GNA12: variants seen among roughly 807,000 people sequenced by gnomAD.
GNA12 encodes G protein subunit alpha 12.
Under a neutral mutation model 26.0 loss-of-function variants are expected in GNA12, and 9 were observed. The observed-to-expected ratio is 0.35, with a 90% CI of 0.21 to 0.60. The LOEUF is 0.60. GNA12 is among the 20% of genes least tolerant of loss of function. The probability of loss-of-function intolerance (pLI) is 0.78; values close to 1 mark genes in which losing one functional copy is unlikely to be tolerated. For missense variants in GNA12, 405 were observed against 525.8 expected (o/e 0.77, Z 2.25); for synonymous variants, 264 against 219.6 (o/e 1.20, Z -1.79).
At chr7:2,827,919 T>TA (rs773913016) in intron 1 of GNA12, among the ~76,000 whole-genome samples, 15 of 138,892 alleles carry the variant, frequency 1.1e-4, no homozygotes, top group Non-Finnish European at 2.1e-4. Context: ...ATACTTTATT[T>TA]AAAATTTTTT....
intron 1 of GNA12, among the ~76,000 whole-genome samples, chr7:2,808,056 C>T (rs559418414): frequency 6.6e-6 from 1 of 152,398 alleles, no homozygotes; most frequent in African/African-American, 2.4e-5. Flanking sequence ...GCTCTGCAGG[C>T]ATCCATCTTC....
chr7:2,798,850 A>G lies in GNA12; in HGVS notation c.310-3707T>C, dbSNP rs537081363. On this transcript the variant is annotated intron_variant, in intron 1 of 3. Transcript: ENST00000275364. The stretch of plus-strand genomic sequence containing the variant: ...AGAACCCAGGGATAGCCCCTGATAC[A>G]GCTAGGTAATTTTTGTAAAAGTGCA... Among the ~76,000 whole-genome samples, 15 of 152,240 alleles carry G rather than the reference A, an allele frequency of 9.9e-5. 1 individual carries two copies. The highest frequency in any genetic ancestry group is 4.2e-4 in the South Asian group (2 of 4,818).
Position 2,731,193 on chromosome 7 carries a change from G to C in GNA12, c.1134C>G (p.Ile378Met). The stretch of plus-strand genomic sequence containing the variant: ...GGGGCTTCCTCGCTCACTGCAGCAT[G>C]ATGTCCTTCAGGTTCTCCTGCAGGA... Reference protein sequence around the residue: ...DTILQENLKDIMLQ With the variant: ...DTILQENLKDMMLQ The change falls in exon 4 of 4, where the codon ATC becomes ATG. Residue 378 changes from isoleucine to methionine, a missense_variant. Coordinates refer to ENST00000275364, the MANE Select transcript of GNA12 (RefSeq NM_007353.3). The surrounding 1 kb of genome is among the most constrained non-coding windows in gnomAD (Gnocchi z 6.0). 1 of 1,610,104 alleles carries C rather than the reference G, an allele frequency of 6.2e-7. No individual in the cohort carries two copies. The highest frequency in any genetic ancestry group is 1.1e-5 in the South Asian group (1 of 90,884).
intron 2 of GNA12, among the ~76,000 whole-genome samples, chr7:2,746,430 A>G (rs1014837760): frequency 6.6e-6 from 1 of 152,254 alleles, no homozygotes; most frequent in Non-Finnish European, 1.5e-5. Context: ...TGGGTACATA[A>G]TGAAATGAAG....
intron 2 of GNA12, among the ~76,000 whole-genome samples, chr7:2,767,091 C>T (rs1375691627): frequency 6.6e-6 from 1 of 152,190 alleles, no homozygotes; most frequent in Non-Finnish European, 1.5e-5. Flanking sequence ...GGTTATTTAA[C>T]TTTGCTTCTT....
intron 2 of GNA12, among the ~76,000 whole-genome samples, chr7:2,750,417 G>T (rs1448010513): frequency 1.3e-5 from 2 of 152,144 alleles, no homozygotes; most frequent in East Asian, 1.9e-4. Context: ...TTATCCTCAG[G>T]GGACACATGC....
chr7:2,837,764 A>T (rs1336154204), intron 1 of GNA12, among the ~76,000 whole-genome samples: 1 of 152,172 alleles, frequency 6.6e-6, no homozygotes, highest in Non-Finnish European at 1.5e-5. Flanking sequence ...TGGCTAAAGG[A>T]AGTTCTCTAA....
At chr7:2,735,313 TTTCTAG>T (rs1790112598) in intron 2 of GNA12, among the ~76,000 whole-genome samples, 1 of 152,160 alleles carries the variant, frequency 6.6e-6, no homozygotes, top group Non-Finnish European at 1.5e-5. Context: ...CCCTTGCCCG[TTTCTAG>T]GCAGGTGGTG....
At chr7:2,756,636 GGA>G (rs1307176328) in intron 2 of GNA12, among the ~76,000 whole-genome samples, 3 of 142,390 alleles carry the variant, frequency 2.1e-5, no homozygotes, top group Non-Finnish European at 4.8e-5. Context: ...CAAAAACATA[GGA>G]GAGGATCTGT....
intron 2 of GNA12, among the ~76,000 whole-genome samples, chr7:2,778,572 C>G (rs1384072923): frequency 6.6e-6 from 1 of 152,232 alleles, no homozygotes; most frequent in Non-Finnish European, 1.5e-5. Context: ...GTTCAGACCC[C>G]TGGCTCTCAG....
intron 1 of GNA12, among the ~76,000 whole-genome samples, chr7:2,800,836 C>A (rs1792792475): frequency 2.0e-5 from 3 of 152,282 alleles, no homozygotes; most frequent in South Asian, 4.1e-4. Flanking sequence ...TCCCGGCTCC[C>A]CCACTGTGAT....
chr7:2,819,607 G>A (rs1418888315), intron 1 of GNA12, among the ~76,000 whole-genome samples: 2 of 152,094 alleles, frequency 1.3e-5, no homozygotes, highest in Non-Finnish European at 2.9e-5. Flanking sequence ...TAAAAAAATG[G>A]GCAAAGGATC....
rs1789705965 is a variant in GNA12 at position 2,728,187 on chromosome 7, T to A, written c.*2994A>T. 6.6e-6 allele frequency: 1 copy of A among 152,296 alleles called. No individual in the cohort carries two copies. The highest frequency in any genetic ancestry group is 6.5e-5 in the Admixed American group (1 of 15,272). 9.4% of individuals were successfully genotyped at this position (152,296 alleles called of 1,614,324 possible). ...GTGGCCAAATTTTCAAGCCAGACCC[T>A]CCCAATGTTAATACACTGTGCAAAG... On this transcript the variant is annotated 3_prime_UTR_variant, in exon 4 of 4. Coordinates refer to ENST00000275364, the MANE Select transcript of GNA12 (RefSeq NM_007353.3).
At chr7:2,789,417 G>A (rs1431141697) in intron 2 of GNA12, among the ~76,000 whole-genome samples, 2 of 151,676 alleles carry the variant, frequency 1.3e-5, no homozygotes, top group South Asian at 2.1e-4. Flanking sequence ...TTACAGGCGT[G>A]AGCCACCGCG....
chr7:2,833,352 G>A (rs1030216516), intron 1 of GNA12, among the ~76,000 whole-genome samples: 6 of 152,078 alleles, frequency 3.9e-5, no homozygotes, highest in African/African-American at 9.7e-5. Flanking sequence ...ATTTAAAACC[G>A]GTACGATCCA....
chr7:2,842,202 A>G (rs1779016824), intron 1 of GNA12, among the ~76,000 whole-genome samples: 2 of 151,994 alleles, frequency 1.3e-5, no homozygotes, highest in Admixed American at 1.3e-4. Flanking sequence ...TCTAGGTGTA[A>G]GCAAGGCTGC....
intron 2 of GNA12, among the ~76,000 whole-genome samples, chr7:2,734,191 G>A (rs768675560): frequency 6.6e-6 from 1 of 152,190 alleles, no homozygotes; most frequent in Non-Finnish European, 1.5e-5. Context: ...TTCAGGAAGC[G>A]CTGAGCCGCC....
At chr7:2,836,722 G>A (rs1027215311) in intron 1 of GNA12, among the ~76,000 whole-genome samples, 2 of 142,648 alleles carry the variant, frequency 1.4e-5, no homozygotes, top group African/African-American at 6.2e-5. Flanking sequence ...TCAGGAGTTC[G>A]AGACCAGCCT....
chr7:2,794,841 G>T, intron 2 of GNA12, 87 bp downstream of exon 2: 4 of 982,728 alleles, frequency 4.1e-6, no homozygotes, highest in Non-Finnish European at 6.4e-6. Flanking sequence ...CTGTTACACA[G>T]TTTTTAAGGA....
Sources: allele counts gnomAD v4.1 joint callset (sites outside exome capture counted in the v4.1 genomes callset), GRCh38; gene constraint gnomAD v4.1.1; non-coding constraint Gnocchi (gnomAD v3.1); transcripts MANE v1.5; gene names NCBI Gene and HGNC (gene_info 2026-07-23, HGNC 2026-07-21).